ANKRD61: variants seen among roughly 807,000 people sequenced by gnomAD.
The protein encoded by ANKRD61 is ankyrin repeat domain 61, also known as ankyrin repeat domain-containing protein 61.
ANKRD61 carries 7 observed loss-of-function variants against 8.4 expected under a neutral mutation model. That is an observed-to-expected ratio of 0.84 (90% CI 0.48 to 1.57). The LOEUF is 1.57. Among genes scored for constraint, ANKRD61 ranks in the 40% most tolerant of loss-of-function variants. The pLI is 0.00. For missense variants in ANKRD61, 516 were observed against 523.4 expected (o/e 0.99, Z 0.14); for synonymous variants, 198 against 208.0 (o/e 0.95, Z 0.41).
At position 6,036,294 on chromosome 7, in the gene ANKRD61, G is replaced by A; in HGVS notation, c.1165G>A (p.Gly389Ser). The change falls in exon 3 of 3, where the codon GGT becomes AGT. Residue 389 changes from glycine (G) to serine (S), a missense_variant. By Grantham distance (56) the Gly-to-Ser change is moderately conservative. Coordinates refer to ENST00000409061, the MANE Select transcript of ANKRD61 (RefSeq NM_001271700.2). This position sits in a 1 kb window ranked among gnomAD's most constrained non-coding sequence, Gnocchi z 4.6. ...ICKRNIRNIY[G>S]EKYKQHLKQF... is the part of the protein sequence containing the mutation. ...CAAAAGAAACATCAGGAATATTTAT[G>A]GTGAGAAATACAAACAGCACTTGAA... is the stretch of plus-strand genomic sequence containing the variant. The A allele has an allele frequency of 1.3e-6, 2 of 1,548,542 alleles. No individual in the cohort carries two copies. The highest frequency in any genetic ancestry group is 1.7e-6 in the Non-Finnish European group (2 of 1,146,542).
At position 6,036,454 on chromosome 7, in the gene ANKRD61, T is replaced by A. The variant is rs1036201274; in HGVS notation, c.*68T>A. The A allele has an allele frequency of 8.3e-7, 1 of 1,198,720 alleles. No homozygotes were observed. The allele number at this position is 1,198,720 out of a possible 1,614,324, so 74.3% of individuals were successfully genotyped here. ...TCAAACTGCATTTTCTGGCTAGACA[T>A]GTCCCAGAAAATGCTTCACCTATCA... On this transcript the variant is annotated 3_prime_UTR_variant, in exon 3 of 3. Transcript: ENST00000409061. This position sits in a 1 kb window ranked among gnomAD's most constrained non-coding sequence, Gnocchi z 4.6.
rs550856299 is a variant in ANKRD61, at chr7:6,035,981, G to C, written c.852G>C (p.Glu284Asp). The C allele has an allele frequency of 1.9e-6, 3 of 1,550,750 alleles. No homozygotes were observed. The Admixed American group carries it at 5.9e-5, about 30-fold the overall frequency. The part of the protein sequence containing the change: ...QDYKGQTAIH[E>D]ACFGGREAII... ...ACAAGGGCCAAACAGCCATCCATGA[G>C]GCATGCTTTGGAGGCAGAGAGGCAA... The change falls in exon 3 of 3, where the codon GAG (glutamate) becomes GAC (aspartate). Residue 284 changes from glutamate (E) to aspartate (D), a missense_variant. Coordinates refer to ENST00000409061, the MANE Select transcript of ANKRD61 (RefSeq NM_001271700.2). The surrounding 1 kb of genome is among the most constrained non-coding windows in gnomAD (Gnocchi z 5.5).
chr7:6,033,220 C>T lies in ANKRD61; in HGVS notation c.314+284C>T, dbSNP rs1000966395. 3.3e-5 allele frequency among the ~76,000 whole-genome samples: 5 copies of T among 152,276 alleles called. No individual in the cohort carries two copies. Among genetic ancestry groups the T allele is most frequent in the African/African-American group, 4.8e-5 (2 of 41,564 alleles). ...CTGGCCTCAAGTGATCCACCTGCCTCGGCCTCCCAAAGTGCTGGGATTAAC... is the reference window on the plus strand; with the variant it reads ...CTGGCCTCAAGTGATCCACCTGCCTTGGCCTCCCAAAGTGCTGGGATTAAC... On this transcript the variant is annotated intron_variant, in intron 2 of 2. Transcript: ENST00000409061. The surrounding 1 kb of genome is among the most constrained non-coding windows in gnomAD (Gnocchi z 4.4).
Position 6,032,067 on chromosome 7 carries a change from G to A in ANKRD61, c.216+476G>A, listed in dbSNP as rs943163384. 2.0e-5 allele frequency among the ~76,000 whole-genome samples: 3 copies of A among 152,054 alleles called. No homozygotes were observed. Among genetic ancestry groups the A allele is most frequent in the African/African-American group, 7.2e-5 (3 of 41,408 alleles). On this transcript the variant is annotated intron_variant, in intron 1 of 2. Transcript: ENST00000409061. This position sits in a 1 kb window ranked among gnomAD's most constrained non-coding sequence, Gnocchi z 4.3. ...CAGGAGCCTGTAATCTCAGCTACTC[G>A]GACGGCTGAGGCAGGAGAATTGCTT...
chr7:6,035,336 T>C lies in ANKRD61; in HGVS notation c.315-108T>C, dbSNP rs148210631. 4,813 of 1,074,432 alleles carry C rather than the reference T, an allele frequency of 4.5e-3. 327 individuals carry two copies. In the Admixed American group the frequency reaches 0.12, roughly 27 times the overall value. 66.6% of individuals were successfully genotyped at this position (1,074,432 alleles called of 1,614,324 possible). On this transcript the variant is annotated intron_variant, in intron 2 of 2. Coordinates refer to ENST00000409061, the MANE Select transcript of ANKRD61 (RefSeq NM_001271700.2). This position sits in a 1 kb window ranked among gnomAD's most constrained non-coding sequence, Gnocchi z 5.5. ...ATTTTGAAACACGTCCTTAAGGTAATTGAAGGGTCTTACTTTAAATAAATA... is the reference window on the plus strand; with the variant it reads ...ATTTTGAAACACGTCCTTAAGGTAACTGAAGGGTCTTACTTTAAATAAATA...
intron 1 of ANKRD61, among the ~76,000 whole-genome samples, chr7:6,031,994 C>T (rs1787925241): frequency 6.6e-6 from 1 of 152,080 alleles, no homozygotes; most frequent in Non-Finnish European, 1.5e-5. Flanking sequence ...GCCAGCAGGG[C>T]AAAACCCCGT....
In ANKRD61 at chr7:6,035,371, T is replaced by G; in HGVS notation, c.315-73T>G. ...TTACTTTAAATAAATACTGGCTTCT[T>G]AAGCATTAACTGTCCACGTAGAGCC... On this transcript the variant is annotated intron_variant, in intron 2 of 2. Coordinates refer to ENST00000409061, the MANE Select transcript of ANKRD61 (RefSeq NM_001271700.2). This position sits in a 1 kb window ranked among gnomAD's most constrained non-coding sequence, Gnocchi z 5.5. 2.2e-6 allele frequency: 3 copies of G among 1,346,010 alleles called. No homozygotes were observed. The highest frequency in any genetic ancestry group is 3.0e-6 in the Non-Finnish European group (3 of 988,104). 83.4% of individuals were successfully genotyped at this position (1,346,010 alleles called of 1,614,324 possible).
Position 6,031,464 on chromosome 7 carries a change from C to G in ANKRD61, c.89C>G (p.Ser30Trp), listed in dbSNP as rs181802492. ...GATGGCCCATCTGCAGCACTTCACT[C>G]GAAACTCTATGAAGCCATCATGAGA... Reference protein sequence around the residue: ...LEDGPSAALHSKLYEAIMRED... With the variant: ...LEDGPSAALHWKLYEAIMRED... The change falls in exon 1 of 3, where the codon TCG (serine) becomes TGG (tryptophan). Residue 30 changes from serine (S) to tryptophan (W), a missense_variant. Coordinates refer to ENST00000409061, the MANE Select transcript of ANKRD61 (RefSeq NM_001271700.2). 1.1e-5 allele frequency: 17 copies of G among 1,550,584 alleles called. No individual in the cohort carries two copies. The highest frequency in any genetic ancestry group is 2.0e-5 in the Admixed American group (1 of 50,972).
In ANKRD61 at chr7:6,032,128, C is replaced by T. The variant is rs1385818310; in HGVS notation, c.216+537C>T. On this transcript the variant is annotated intron_variant, in intron 1 of 2. Transcript: ENST00000409061. This position sits in a 1 kb window ranked among gnomAD's most constrained non-coding sequence, Gnocchi z 4.3. ...GGCAGAGGTTGCAGTGAGCCAAGAT[C>T]GTACCACTGCACTCTCTAGCCTGGA... is the stretch of plus-strand genomic sequence containing the variant. 2.6e-5 allele frequency among the ~76,000 whole-genome samples: 4 copies of T among 152,148 alleles called. No homozygotes were observed. Among genetic ancestry groups the T allele is most frequent in the South Asian group, 2.1e-4 (1 of 4,826 alleles).
chr7:6,033,658 C>T lies in ANKRD61; in HGVS notation c.314+722C>T, dbSNP rs575883023. Among the ~76,000 whole-genome samples the T allele has an allele frequency of 6.6e-6, 1 of 152,176 alleles. No homozygotes were observed. Reference sequence around the variant, plus strand: ...CAGGCTGGAGTGCAGTGGCACCATTCTCCTGGGTTCACGCCATTCTCCTGC... The same window carrying T: ...CAGGCTGGAGTGCAGTGGCACCATTTTCCTGGGTTCACGCCATTCTCCTGC... On this transcript the variant is annotated intron_variant, in intron 2 of 2. Transcript: ENST00000409061. This position sits in a 1 kb window ranked among gnomAD's most constrained non-coding sequence, Gnocchi z 4.4.
chr7:6,032,815 A>C lies in ANKRD61; in HGVS notation c.217-24A>C. ...TTTTAACTACACAGGGCCACTTGTA[A>C]TGTGTTTTGTTTTCCCTCCAAAGCC... On this transcript the variant is annotated intron_variant, in intron 1 of 2. Coordinates refer to ENST00000409061, the MANE Select transcript of ANKRD61 (RefSeq NM_001271700.2). The surrounding 1 kb of genome is among the most constrained non-coding windows in gnomAD (Gnocchi z 4.3). The C allele has an allele frequency of 6.5e-7, 1 of 1,533,048 alleles. No individual in the cohort carries two copies. The highest frequency in any genetic ancestry group is 8.8e-7 in the Non-Finnish European group (1 of 1,131,146). 95.0% of individuals were successfully genotyped at this position (1,533,048 alleles called of 1,614,324 possible).
In ANKRD61 at chr7:6,032,709, C is replaced by T; in HGVS notation, c.217-130C>T. 1 of 642,446 alleles carries T rather than the reference C, an allele frequency of 1.6e-6. No homozygotes were observed. Among genetic ancestry groups the T allele is most frequent in the South Asian group, 2.3e-5 (1 of 44,342 alleles). The allele number at this position is 642,446 out of a possible 1,614,324, so 39.8% of individuals were successfully genotyped here. A position where few individuals can be genotyped will look rare whatever the true frequency, so the allele number is the denominator to read the frequency against. On this transcript the variant is annotated intron_variant, in intron 1 of 2. Coordinates refer to ENST00000409061, the MANE Select transcript of ANKRD61 (RefSeq NM_001271700.2). This position sits in a 1 kb window ranked among gnomAD's most constrained non-coding sequence, Gnocchi z 4.3. The stretch of plus-strand genomic sequence containing the variant: ...GGTAGTAGAAAGGAAACTTTCAATG[C>T]ACATACCAGAAAAAGAGTGAGCCAA...
At position 6,033,510 on chromosome 7, in the gene ANKRD61, C is replaced by T. The variant is rs944807420; in HGVS notation, c.314+574C>T. Among the ~76,000 whole-genome samples, 3 of 152,118 alleles carry T rather than the reference C, an allele frequency of 2.0e-5. No individual in the cohort carries two copies. The highest frequency in any genetic ancestry group is 7.2e-5 in the African/African-American group (3 of 41,402). On this transcript the variant is annotated intron_variant, in intron 2 of 2. Transcript: ENST00000409061. The surrounding 1 kb of genome is among the most constrained non-coding windows in gnomAD (Gnocchi z 4.4). ...GTGTTGTGAGGAATGCAGTAAAGTC[C>T]TTGCCATGGCCTTCAATAAGTTTAA...
Position 6,035,438 on chromosome 7 carries a change from T to C in ANKRD61, c.315-6T>C, listed in dbSNP as rs1788049069. On this transcript the variant is annotated splice_polypyrimidine_tract_variant and splice_region_variant and intron_variant, in intron 2 of 2. Coordinates refer to ENST00000409061, the MANE Select transcript of ANKRD61 (RefSeq NM_001271700.2). This position sits in a 1 kb window ranked among gnomAD's most constrained non-coding sequence, Gnocchi z 5.5. ...CAGTGTAACGTGTAATCAATACCCATTCTAGGGACACGACAGGCCTCACCA... is the reference window on the plus strand; with the variant it reads ...CAGTGTAACGTGTAATCAATACCCACTCTAGGGACACGACAGGCCTCACCA... 6.5e-7 allele frequency: 1 copy of C among 1,548,124 alleles called. No homozygotes were observed. Among genetic ancestry groups the C allele is most frequent in the Non-Finnish European group, 8.7e-7 (1 of 1,145,056 alleles).
At position 6,035,741 on chromosome 7, in the gene ANKRD61, C is replaced by A. The variant is rs1788059436; in HGVS notation, c.612C>A (p.Pro204=). The A allele has an allele frequency of 1.3e-6, 2 of 1,550,932 alleles. No homozygotes were observed. Among genetic ancestry groups the A allele is most frequent in the Admixed American group, 3.9e-5 (2 of 50,962 alleles). The stretch of plus-strand genomic sequence containing the variant: ...CTATTAATGAAGCCAGCATGACACC[C>A]CTTCACATGGCCGCAAACATGCTGA... ...VNAINEASMT[P]LHMAANMLNK... Residue 204 remains proline (P), a synonymous_variant, in exon 3 of 3, where the codon CCC becomes CCA. Transcript: ENST00000409061. The surrounding 1 kb of genome is among the most constrained non-coding windows in gnomAD (Gnocchi z 5.5).
In ANKRD61 at chr7:6,033,005, G is replaced by A. The variant is rs1226209181; in HGVS notation, c.314+69G>A. The A allele has an allele frequency of 7.3e-7, 1 of 1,374,480 alleles. No individual in the cohort carries two copies. The highest frequency in any genetic ancestry group is 2.0e-5 in the Admixed American group (1 of 48,922). 85.1% of individuals were successfully genotyped at this position (1,374,480 alleles called of 1,614,324 possible). A position where few individuals can be genotyped will look rare whatever the true frequency, so the allele number is the denominator to read the frequency against. The stretch of plus-strand genomic sequence containing the variant: ...TGTTTTGAGGCAGGGGTCTCGCTCT[G>A]TTGCCCAGGCTGGAGTGCAATGGCA... On this transcript the variant is annotated intron_variant, in intron 2 of 2. Coordinates refer to ENST00000409061, the MANE Select transcript of ANKRD61 (RefSeq NM_001271700.2). This position sits in a 1 kb window ranked among gnomAD's most constrained non-coding sequence, Gnocchi z 4.4.
rs1395082196 is a variant in ANKRD61 at position 6,035,348 on chromosome 7, A to C, written c.315-96A>C. 4.2e-6 allele frequency: 5 copies of C among 1,186,188 alleles called. No homozygotes were observed. In the East Asian group the frequency reaches 1.0e-4, roughly 24 times the overall value. 73.5% of individuals were successfully genotyped at this position (1,186,188 alleles called of 1,614,324 possible). On this transcript the variant is annotated intron_variant, in intron 2 of 2. Transcript: ENST00000409061. The surrounding 1 kb of genome is among the most constrained non-coding windows in gnomAD (Gnocchi z 5.5). ...GTCCTTAAGGTAATTGAAGGGTCTT[A>C]CTTTAAATAAATACTGGCTTCTTAA...
At position 6,032,933 on chromosome 7, in the gene ANKRD61, T is replaced by G. The variant is rs1209493167; in HGVS notation, c.311T>G (p.Val104Gly). The G allele has an allele frequency of 6.5e-7, 1 of 1,549,758 alleles. No homozygotes were observed. The highest frequency in any genetic ancestry group is 8.7e-7 in the Non-Finnish European group (1 of 1,146,274). ...TTACGGCACGGTGCTGACCCAGAAGTCAGGTAAGTTAACTCCACCGAAAAT... is the reference window on the plus strand; with the variant it reads ...TTACGGCACGGTGCTGACCCAGAAGGCAGGTAAGTTAACTCCACCGAAAAT... ...CLLRHGADPEVRDTTGLTTLN... is the reference protein window; with the variant it reads ...CLLRHGADPEGRDTTGLTTLN... The change falls in exon 2 of 3, where the codon GTC becomes GGC. Residue 104 changes from valine (V) to glycine (G), a missense_variant. Coordinates refer to ENST00000409061, the MANE Select transcript of ANKRD61 (RefSeq NM_001271700.2). This position sits in a 1 kb window ranked among gnomAD's most constrained non-coding sequence, Gnocchi z 4.3.
At position 6,033,054 on chromosome 7, in the gene ANKRD61, T is replaced by C; in HGVS notation, c.314+118T>C. 2 of 821,758 alleles carry C rather than the reference T, an allele frequency of 2.4e-6. No homozygotes were observed. The highest frequency in any genetic ancestry group is 1.9e-6 in the Non-Finnish European group (1 of 539,318). The allele number at this position is 821,758 out of a possible 1,614,324, so 50.9% of individuals were successfully genotyped here. ...CACAATCTCGCCTCACTGCAACCTC[T>C]ACTTCCTGGGTTCAAGAGCTTCTCC... On this transcript the variant is annotated intron_variant, in intron 2 of 2. Transcript: ENST00000409061. The surrounding 1 kb of genome is among the most constrained non-coding windows in gnomAD (Gnocchi z 4.4).
Sources: gnomAD v4.1 joint callset for allele counts (sites outside exome capture counted in the v4.1 genomes callset) on GRCh38, gnomAD v4.1.1 for gene constraint, Gnocchi (gnomAD v3.1) non-coding constraint, MANE v1.5 for transcripts, NCBI Gene and HGNC (gene_info 2026-07-23, HGNC 2026-07-21) for gene names.